Variants in THAP4 observed in about 807,000 individuals in gnomAD.
THAP4 encodes the protein THAP domain containing 4, also known as peroxynitrite isomerase THAP4.
In THAP4, 18 loss-of-function variants were observed where a neutral mutation model predicts 48.1. That is an observed-to-expected ratio of 0.37 (90% CI 0.26 to 0.56). The LOEUF (loss-of-function observed/expected upper bound fraction) is 0.56. Ranked by LOEUF, THAP4 falls within the 20% of genes least tolerant of loss-of-function variation. The pLI, the probability that THAP4 is intolerant of heterozygous loss-of-function variation, is 0.78. For synonymous variants in THAP4, 345 were observed against 324.9 expected (o/e 1.06, Z -0.66); for missense variants, 656 against 774.9 (o/e 0.85, Z 1.82).
chr2:241,627,271 A>G (rs557611683), intron 2 of THAP4, among the ~76,000 whole-genome samples: 11 of 152,270 alleles, frequency 7.2e-5, no homozygotes, highest in African/African-American at 2.7e-4. Context: ...TTATATGTAG[A>G]TAATGAATCC....
intron 5 of THAP4, among the ~76,000 whole-genome samples, chr2:241,589,396 A>G (rs138800509): frequency 2.0e-5 from 3 of 152,326 alleles, no homozygotes; most frequent in Non-Finnish European, 4.4e-5. Flanking sequence ...CAACTCAGGA[A>G]TAACACAAAC....
intron 2 of THAP4, among the ~76,000 whole-genome samples, chr2:241,628,028 C>T (rs1193911111): frequency 2.0e-5 from 3 of 152,146 alleles, no homozygotes; most frequent in Middle Eastern, 3.2e-3. Context: ...ATCACTGGCC[C>T]CCTCTCCGCC....
At chr2:241,624,228 C>T (rs2067468368) in intron 2 of THAP4, among the ~76,000 whole-genome samples, 1 of 152,214 alleles carries the variant, frequency 6.6e-6, no homozygotes, top group African/African-American at 2.4e-5. Context: ...TGGCTCACGC[C>T]TATAATCCCA....
intron 2 of THAP4, among the ~76,000 whole-genome samples, chr2:241,622,746 T>C (rs533836731): frequency 7.2e-5 from 11 of 152,180 alleles, no homozygotes; most frequent in Admixed American, 7.2e-4. Flanking sequence ...ACTACAGGTG[T>C]GCATCACCAT....
intron 2 of THAP4, among the ~76,000 whole-genome samples, chr2:241,622,195 C>A (rs913382502): frequency 6.6e-6 from 1 of 152,162 alleles, no homozygotes. Flanking sequence ...CGTGGTGAAT[C>A]CCTGTCTCTA....
chr2:241,627,235 GATTTTGAC>G (rs1203219740), intron 2 of THAP4, among the ~76,000 whole-genome samples: 1 of 152,140 alleles, frequency 6.6e-6, no homozygotes, highest in Non-Finnish European at 1.5e-5. Context: ...TTTGTACTTG[GATTTTGAC>G]AATCCAGATT....
intron 5 of THAP4, among the ~76,000 whole-genome samples, chr2:241,598,966 C>T (rs1010827020): frequency 1.3e-5 from 2 of 151,726 alleles, no homozygotes; most frequent in Non-Finnish European, 2.9e-5. Flanking sequence ...AAAAAAAAGG[C>T]TATCCGGCTG....
intron 2 of THAP4, among the ~76,000 whole-genome samples, chr2:241,626,942 C>T (rs143704187): frequency 6.6e-6 from 1 of 152,202 alleles, no homozygotes; most frequent in South Asian, 2.1e-4. Flanking sequence ...AATAAATCCA[C>T]ACACATGTCC....
chr2:241,617,613 G>C (rs36043566), intron 2 of THAP4: 92,367 of 683,508 alleles, frequency 0.14, 7,388 homozygotes, highest in Middle Eastern at 0.27. Flanking sequence ...TGACAGCCCA[G>C]ATCACAGAAT....
At position 241,633,272 on chromosome 2, in the gene THAP4, C is replaced by T. The variant is rs1237248882; in HGVS notation, c.885G>A (p.Lys295=). The T allele has an allele frequency of 6.2e-7, 1 of 1,611,732 alleles. No homozygotes were observed. The highest frequency in any genetic ancestry group is 8.5e-7 in the Non-Finnish European group (1 of 1,179,912). ...GAGGGGCAGAGGGGCTCTGGGAAGG[C>T]TTCTGCGGTGTCGCGGTAAGTGATG... The part of the protein sequence containing the change: ...PSSSLTATPQ[K]PSQSPSAPPA... The change falls in exon 2 of 6, where the codon AAG becomes AAA. Residue 295 remains lysine, a synonymous_variant. Coordinates refer to ENST00000407315, the MANE Select transcript of THAP4 (RefSeq NM_015963.6). This position sits in a 1 kb window ranked among gnomAD's most constrained non-coding sequence, Gnocchi z 7.5.
rs187612024 is a variant in THAP4, at chr2:241,585,850, T to C, written c.1615-1125A>G. 1.3e-3 allele frequency among the ~76,000 whole-genome samples: 180 copies of C among 139,742 alleles called. 1 individual carries two copies. In the Middle Eastern group the frequency reaches 0.023, roughly 18 times the overall value. 91.7% of individuals were successfully genotyped at this position (139,742 alleles called of 152,430 possible). On this transcript the variant is annotated intron_variant, in intron 5 of 5. Coordinates refer to ENST00000407315, the MANE Select transcript of THAP4 (RefSeq NM_015963.6). Reference sequence around the variant, plus strand: ...ATTGCTTGAACCCAAGAGGTGGAGGTTGCAGTGAGCCGAGATCATGCCACT... The same window carrying C: ...ATTGCTTGAACCCAAGAGGTGGAGGCTGCAGTGAGCCGAGATCATGCCACT...
intron 1 of THAP4, among the ~76,000 whole-genome samples, chr2:241,634,802 A>G (rs865834049): frequency 1.4e-4 from 21 of 152,236 alleles, no homozygotes; most frequent in African/African-American, 4.6e-4. Context: ...ATCCTGGGGA[A>G]CAGAGTGAAA....
intron 2 of THAP4, among the ~76,000 whole-genome samples, chr2:241,632,677 C>T (rs934402034): frequency 3.9e-5 from 6 of 152,220 alleles, no homozygotes; most frequent in African/African-American, 7.2e-5. Context: ...GTGCTGCCTG[C>T]CTCCTTCACG....
upstream of THAP4, chr2:241,637,574 C>A (rs765373945): frequency 3.8e-5 from 57 of 1,510,258 alleles, no homozygotes; most frequent in African/African-American, 5.4e-4. Flanking sequence ...GCGGCTCCCG[C>A]GTATTTCCGC....
chr2:241,586,262 GA>G (rs11320455), intron 5 of THAP4, among the ~76,000 whole-genome samples: 26,757 of 83,990 alleles, frequency 0.32, 2,890 homozygotes, highest in Middle Eastern at 0.49. Context: ...ATCTGAAGAG[GA>G]AAAAAAAAAA....
chr2:241,629,532 C>T (rs910780092), intron 2 of THAP4, among the ~76,000 whole-genome samples: 8 of 149,990 alleles, frequency 5.3e-5, no homozygotes, highest in South Asian at 2.1e-4. Context: ...AATAAGAAAA[C>T]GGTGAGGAAG....
At chr2:241,629,573 C>T (rs2067533366) in intron 2 of THAP4, among the ~76,000 whole-genome samples, 1 of 151,832 alleles carries the variant, frequency 6.6e-6, no homozygotes, top group East Asian at 1.9e-4. Flanking sequence ...GGCCCGAATT[C>T]CCACTTATCA....
intron 2 of THAP4, among the ~76,000 whole-genome samples, chr2:241,622,381 A>C (rs1277440293): frequency 6.6e-6 from 1 of 152,140 alleles, no homozygotes; most frequent in Non-Finnish European, 1.5e-5. Flanking sequence ...AAAACAAAAC[A>C]AAAAACAAAC....
chr2:241,624,708 C>T (rs1325412877), intron 2 of THAP4, among the ~76,000 whole-genome samples: 1 of 152,194 alleles, frequency 6.6e-6, no homozygotes, highest in Non-Finnish European at 1.5e-5. Context: ...TAACTCTACC[C>T]CATTCCTCTT....
Sources: allele counts gnomAD v4.1 joint callset (sites outside exome capture counted in the v4.1 genomes callset), GRCh38; gene constraint gnomAD v4.1.1; non-coding constraint Gnocchi (gnomAD v3.1); transcripts MANE v1.5; gene names NCBI Gene and HGNC (gene_info 2026-07-23, HGNC 2026-07-21).